The following ZNF891 variants were observed in gnomAD, a reference collection of about 807,000 sequenced individuals.
The protein encoded by ZNF891 is zinc finger protein 891.
For missense variants in ZNF891, 589 were observed against 632.7 expected (o/e 0.93, Z 0.74); for synonymous variants, 199 against 209.0 (o/e 0.95, Z 0.41).
chr12:133,122,579 C>T (rs1339772587), intron 1 of ZNF891, among the ~76,000 whole-genome samples: 1 of 152,152 alleles, frequency 6.6e-6, no homozygotes. Context: ...GTGGGGAACA[C>T]GCACTGGGGC....
rs550203150 is a variant in ZNF891 at position 133,115,390 on chromosome 12, C to CAAAAAAAAAAAAAAAAAAAAAAAAAA, written c.*4868_*4893dup. On this transcript the variant is annotated 3_prime_UTR_variant, in exon 2 of 2. Coordinates refer to ENST00000537226, the MANE Select transcript of ZNF891 (RefSeq NM_001277291.2). ...CCTGGGAAAAAGCAAAACTCCTTCT[C>CAAAAAAAAAAAAAAAAAAAAAAAAAA]AAAAAAAAAAAAAAAAAAAAAAAAA... 1.2e-3 allele frequency: 40 copies of CAAAAAAAAAAAAAAAAAAAAAAAAAA among 34,342 alleles called. 4 individuals are homozygous for CAAAAAAAAAAAAAAAAAAAAAAAAAA. Among genetic ancestry groups the CAAAAAAAAAAAAAAAAAAAAAAAAAA allele is most frequent in the Non-Finnish European group, 1.7e-3 (30 of 17,296 alleles). The allele number at this position is 34,342 out of a possible 1,614,324, so 2.1% of individuals were successfully genotyped here.
Position 133,106,471 on chromosome 12 carries a change from T to C in ZNF891, c.*13813A>G. On this transcript the variant is annotated 3_prime_UTR_variant, in exon 2 of 2. Transcript: ENST00000537226. Reference sequence around the variant, plus strand: ...GTGATAAAGCCTTCAGCCGGAGCTTTTCCCTCATTCTACATCAGAGAACTC... The same window carrying C: ...GTGATAAAGCCTTCAGCCGGAGCTTCTCCCTCATTCTACATCAGAGAACTC... The C allele has an allele frequency of 6.2e-7, 1 of 1,613,930 alleles. No individual in the cohort carries two copies. The highest frequency in any genetic ancestry group is 8.5e-7 in the Non-Finnish European group (1 of 1,179,960).
At position 133,119,804 on chromosome 12, in the gene ZNF891, A is replaced by G. The variant is rs182913551; in HGVS notation, c.*480T>C. On this transcript the variant is annotated 3_prime_UTR_variant, in exon 2 of 2. Coordinates refer to ENST00000537226, the MANE Select transcript of ZNF891 (RefSeq NM_001277291.2). ...TAGTTCTGATCCCAGTGATATGTCT[A>G]TTTTTGAATCAGCAAGAATGAATGA... 3.5e-3 allele frequency: 540 copies of G among 156,082 alleles called. 3 individuals are homozygous for G. Among genetic ancestry groups the G allele is most frequent in the Non-Finnish European group, 6.3e-3 (444 of 70,318 alleles). The allele number at this position is 156,082 out of a possible 1,614,324, so 9.7% of individuals were successfully genotyped here.
Position 133,121,645 on chromosome 12 carries a change from T to G in ZNF891, c.274A>C (p.Ile92Leu). The G allele has an allele frequency of 6.5e-7, 1 of 1,536,428 alleles. No individual in the cohort carries two copies. The highest frequency in any genetic ancestry group is 1.2e-5 in the South Asian group (1 of 84,066). The stretch of plus-strand genomic sequence containing the variant: ...ATCTCTTCTTGATCCAATGGGGAGA[T>G]CACAGTAAGCCTGTACAACTGATAT... ...VEYQLYRLTV[I>L]SPLDQEEIRN... Residue 92 changes from isoleucine to leucine, a missense_variant, in exon 2 of 2, where the codon ATC (isoleucine) becomes CTC (leucine). Transcript: ENST00000537226.
In ZNF891 at chr12:133,106,293, G is replaced by T; in HGVS notation, c.*13991C>A. The T allele has an allele frequency of 1.9e-6, 3 of 1,614,172 alleles. No homozygotes were observed. Among genetic ancestry groups the T allele is most frequent in the Middle Eastern group, 1.6e-4 (1 of 6,062 alleles). On this transcript the variant is annotated 3_prime_UTR_variant, in exon 2 of 2. Transcript: ENST00000537226. ...TGTAATGAATGTAGGAAAGCTTTCCGTTGTCACTCATTCCTTATTAAACAT... is the reference window on the plus strand; with the variant it reads ...TGTAATGAATGTAGGAAAGCTTTCCTTTGTCACTCATTCCTTATTAAACAT...
chr12:133,124,826 G>A (rs1469576640), intron 1 of ZNF891, among the ~76,000 whole-genome samples: 1 of 150,228 alleles, frequency 6.7e-6, no homozygotes, highest in Non-Finnish European at 1.5e-5. Context: ...CTATATGGGT[G>A]TGTGTGTTAA....
chr12:133,120,591 G>A lies in ZNF891; in HGVS notation c.1328C>T (p.Thr443Met), dbSNP rs551997525. Residue 443 changes from threonine to methionine, a missense_variant, in exon 2 of 2, where the codon ACG becomes ATG. Coordinates refer to ENST00000537226, the MANE Select transcript of ZNF891 (RefSeq NM_001277291.2). Reference protein sequence around the residue: ...ECSECGKAFNTSSHLKVHKKI... With the variant: ...ECSECGKAFNMSSHLKVHKKI... ...CTTATGAACTTTAAGGTGAGAGCTC[G>A]TGTTGAAGGCTTTTCCACACTCACT... 1.0e-5 allele frequency: 16 copies of A among 1,559,968 alleles called. No individual in the cohort carries two copies. Among genetic ancestry groups the A allele is most frequent in the South Asian group, 4.7e-5 (4 of 85,218 alleles).
rs1238972327 is a variant in ZNF891, at chr12:133,121,584, C to G, written c.335G>C (p.Cys112Ser). The G allele has an allele frequency of 6.5e-7, 1 of 1,536,562 alleles. No individual in the cohort carries two copies. The highest frequency in any genetic ancestry group is 2.4e-5 in the East Asian group (1 of 40,908). The stretch of plus-strand genomic sequence containing the variant: ...TTTAGGTTGAATCTTCTGGTCTGGA[C>G]AGATGGCTTGGGGAATTCTCTTTTT... ...NMKKRIPQAI[C>S]PDQKIQPKTK... The change falls in exon 2 of 2, where the codon TGT becomes TCT. Residue 112 changes from cysteine to serine, a missense_variant. Transcript: ENST00000537226.
intron 1 of ZNF891, among the ~76,000 whole-genome samples, chr12:133,124,945 A>G (rs1955800204): frequency 6.6e-6 from 1 of 151,692 alleles, no homozygotes; most frequent in African/African-American, 2.4e-5. Flanking sequence ...TTCAGAGGAA[A>G]CAATGTAAGA....
rs1220032590 is a variant in ZNF891, at chr12:133,113,206, C to A, written c.*7078G>T. The A allele has an allele frequency of 1.3e-5, 2 of 151,032 alleles. No individual in the cohort carries two copies. Among genetic ancestry groups the A allele is most frequent in the East Asian group, 3.9e-4 (2 of 5,194 alleles). 9.4% of individuals were successfully genotyped at this position (151,032 alleles called of 1,614,324 possible). A position where few individuals can be genotyped will look rare whatever the true frequency, so the allele number is the denominator to read the frequency against. ...AACAACAGCCTAAGCAAATTATTTACTTTACAACTTTGAAGATATTAAAAT... is the reference window on the plus strand; with the variant it reads ...AACAACAGCCTAAGCAAATTATTTAATTTACAACTTTGAAGATATTAAAAT... On this transcript the variant is annotated 3_prime_UTR_variant, in exon 2 of 2. Coordinates refer to ENST00000537226, the MANE Select transcript of ZNF891 (RefSeq NM_001277291.2).
rs1955746258 is a variant in ZNF891 at position 133,120,589 on chromosome 12, T to C, written c.1330A>G (p.Ser444Gly). ...CSECGKAFNT[S>G]SHLKVHKKIH... ...TTCTTATGAACTTTAAGGTGAGAGC[T>C]CGTGTTGAAGGCTTTTCCACACTCA... Residue 444 changes from serine to glycine, a missense_variant, in exon 2 of 2, where the codon AGC becomes GGC. By Grantham distance (56) the Ser-to-Gly change is moderately conservative. Transcript: ENST00000537226. 6.4e-7 allele frequency: 1 copy of C among 1,560,052 alleles called. No individual in the cohort carries two copies. The highest frequency in any genetic ancestry group is 1.9e-5 in the Admixed American group (1 of 51,884).
chr12:133,121,306 T>C lies in ZNF891; in HGVS notation c.613A>G (p.Ile205Val). Residue 205 changes from isoleucine to valine, a missense_variant, in exon 2 of 2, where the codon ATT becomes GTT. Coordinates refer to ENST00000537226, the MANE Select transcript of ZNF891 (RefSeq NM_001277291.2). ...EENSKLGSKL[I>V]FSQSIFTSKH... is the part of the protein sequence containing the mutation. ...CTGGTGAAAATGCTCTGTGAAAAAATAAGTTTTGATCCAAGTTTAGAGTTT... is the reference window on the plus strand; with the variant it reads ...CTGGTGAAAATGCTCTGTGAAAAAACAAGTTTTGATCCAAGTTTAGAGTTT... 1 of 1,535,504 alleles carries C rather than the reference T, an allele frequency of 6.5e-7. No individual in the cohort carries two copies. The highest frequency in any genetic ancestry group is 8.7e-7 in the Non-Finnish European group (1 of 1,146,634).
chr12:133,116,094 G>C lies in ZNF891; in HGVS notation c.*4190C>G, dbSNP rs1444146747. ...TACTCCTTAAGATGATCTCACCCAAGGACCACATGCAGTTGGGACGATTTT... is the reference window on the plus strand; with the variant it reads ...TACTCCTTAAGATGATCTCACCCAACGACCACATGCAGTTGGGACGATTTT... On this transcript the variant is annotated 3_prime_UTR_variant, in exon 2 of 2. Transcript: ENST00000537226. 1 of 152,034 alleles carries C rather than the reference G, an allele frequency of 6.6e-6. No homozygotes were observed. Among genetic ancestry groups the C allele is most frequent in the Non-Finnish European group, 1.5e-5 (1 of 68,030 alleles). The allele number at this position is 152,034 out of a possible 1,614,324, so 9.4% of individuals were successfully genotyped here.
Position 133,105,571 on chromosome 12 carries a change from A to T in ZNF891, c.*14713T>A. ...CAAAAAATGTCATTTATGATGACTCATCCCAGTATTTGATCATGGAAAGAA... is the reference window on the plus strand; with the variant it reads ...CAAAAAATGTCATTTATGATGACTCTTCCCAGTATTTGATCATGGAAAGAA... On this transcript the variant is annotated 3_prime_UTR_variant, in exon 2 of 2. Transcript: ENST00000537226. 6.2e-7 allele frequency: 1 copy of T among 1,614,016 alleles called. No individual in the cohort carries two copies. The highest frequency in any genetic ancestry group is 8.5e-7 in the Non-Finnish European group (1 of 1,179,976).
At chr12:133,126,502 T>A (rs1367240208) in intron 1 of ZNF891, among the ~76,000 whole-genome samples, 297 of 142,592 alleles carry the variant, frequency 2.1e-3, no homozygotes, top group Non-Finnish European at 4.0e-3. Flanking sequence ...AAAGATAAAC[T>A]TAAGGAACTT....
Position 133,121,336 on chromosome 12 carries a change from C to G in ZNF891, c.583G>C (p.Glu195Gln). Reference sequence around the variant, plus strand: ...TTTGATCCAAGTTTAGAGTTTTCCTCTAATTCATGATAGTCACGGAATAGC... The same window carrying G: ...TTTGATCCAAGTTTAGAGTTTTCCTGTAATTCATGATAGTCACGGAATAGC... ...QELFRDYHEL[E>Q]ENSKLGSKLI... Residue 195 changes from glutamate (E) to glutamine (Q), a missense_variant, in exon 2 of 2, where the codon GAG becomes CAG. Glu to Gln is a conservative substitution (Grantham distance 29). Transcript: ENST00000537226. The G allele has an allele frequency of 1.3e-6, 2 of 1,535,986 alleles. No individual in the cohort carries two copies. Among genetic ancestry groups the G allele is most frequent in the South Asian group, 2.4e-5 (2 of 84,056 alleles).
At position 133,108,889 on chromosome 12, in the gene ZNF891, T is replaced by G. The variant is rs998707010; in HGVS notation, c.*11395A>C. ...TTACACTGTGGGAAAACTACCATTG[T>G]AATAAGTGTAGCAAAATCTTCTTAG... On this transcript the variant is annotated 3_prime_UTR_variant, in exon 2 of 2. Transcript: ENST00000537226. 1 of 152,242 alleles carries G rather than the reference T, an allele frequency of 6.6e-6. No homozygotes were observed. Among genetic ancestry groups the G allele is most frequent in the Admixed American group, 6.5e-5 (1 of 15,290 alleles). The allele number at this position is 152,242 out of a possible 1,614,324, so 9.4% of individuals were successfully genotyped here.
At position 133,119,726 on chromosome 12, in the gene ZNF891, T is replaced by C. The variant is rs926250394; in HGVS notation, c.*558A>G. ...ATAGCTCTTTCAGCAGCTTCAGGAATGGCCAATTCATAGGGACAAAGATGA... is the reference window on the plus strand; with the variant it reads ...ATAGCTCTTTCAGCAGCTTCAGGAACGGCCAATTCATAGGGACAAAGATGA... On this transcript the variant is annotated 3_prime_UTR_variant, in exon 2 of 2. Coordinates refer to ENST00000537226, the MANE Select transcript of ZNF891 (RefSeq NM_001277291.2). 3.9e-5 allele frequency: 6 copies of C among 152,484 alleles called. No homozygotes were observed. Among genetic ancestry groups the C allele is most frequent in the African/African-American group, 1.4e-4 (6 of 41,454 alleles). The allele number at this position is 152,484 out of a possible 1,614,324, so 9.4% of individuals were successfully genotyped here. A position where few individuals can be genotyped will look rare whatever the true frequency, so the allele number is the denominator to read the frequency against.
In ZNF891 at chr12:133,120,923, A is replaced by C; in HGVS notation, c.996T>G (p.Ile332Met). Residue 332 changes from isoleucine to methionine, a missense_variant, in exon 2 of 2, where the codon ATT becomes ATG. Ile to Met is a conservative substitution (Grantham distance 10). Coordinates refer to ENST00000537226, the MANE Select transcript of ZNF891 (RefSeq NM_001277291.2). ...CNQCGKAFKR[I>M]SNLTLYKKSH... ...TTTTCTTGTATAAAGTAAGATTAGA[A>C]ATCCTTTTGAAGGCTTTTCCACATT... 6.5e-7 allele frequency: 1 copy of C among 1,536,758 alleles called. No individual in the cohort carries two copies. Among genetic ancestry groups the C allele is most frequent in the Non-Finnish European group, 8.7e-7 (1 of 1,146,858 alleles).
Sources: gnomAD v4.1 joint callset for allele counts (sites outside exome capture counted in the v4.1 genomes callset) on GRCh38, gnomAD v4.1.1 for gene constraint, MANE v1.5 for transcripts, NCBI Gene and HGNC (gene_info 2026-07-23, HGNC 2026-07-21) for gene names.